Variants in ESRRG observed in about 807,000 individuals in gnomAD.
ESRRG encodes the protein estrogen related receptor gamma.
ESRRG carries 13 observed loss-of-function variants against 44.0 expected under a neutral mutation model. That is an observed-to-expected ratio of 0.30 (90% confidence interval 0.19 to 0.47). ESRRG has a LOEUF of 0.47. ESRRG is among the 20% of genes least tolerant of loss of function. The pLI is 1.00. For missense variants in ESRRG, 395 were observed against 580.6 expected, an observed-to-expected ratio of 0.68 and a Z score of 3.29; for synonymous variants, 215 against 214.6, an observed-to-expected ratio of 1.00 and a Z score of -0.02.
chr1:217,026,305 G>C (rs2081169667), intron 1 of ESRRG, among the ~76,000 whole-genome samples: 1 of 152,226 alleles, frequency 6.6e-6, no homozygotes. Flanking sequence ...GGAAAAGGAA[G>C]AGATGCCAAG....
intron 1 of ESRRG, among the ~76,000 whole-genome samples, chr1:216,718,843 A>G (rs937538248): frequency 3.9e-5 from 6 of 151,960 alleles, no homozygotes; most frequent in Non-Finnish European, 8.8e-5. Flanking sequence ...TATCTGCTGC[A>G]ATGACTCTAA....
chr1:216,613,568 T>C (rs548949624), intron 3 of ESRRG, among the ~76,000 whole-genome samples: 98 of 152,324 alleles, frequency 6.4e-4, no homozygotes, highest in African/African-American at 2.2e-3. Flanking sequence ...TAATAACTAC[T>C]GTGATATAAC....
rs17045277 is a variant in ESRRG, at chr1:217,114,445, C to T, written c.-230+23222G>A. 2.6e-3 allele frequency among the ~76,000 whole-genome samples: 389 copies of T among 152,184 alleles called. 1 individual carries two copies. Among genetic ancestry groups the T allele is most frequent in the African/African-American group, 9.0e-3 (373 of 41,506 alleles). ...CCCAGATCAAGGTGTCTAATTGCAGCTGTAGTCTAACTTCAGGATAAAACA... is the reference window on the plus strand; with the variant it reads ...CCCAGATCAAGGTGTCTAATTGCAGTTGTAGTCTAACTTCAGGATAAAACA... On this transcript the variant is annotated intron_variant, in intron 1 of 8. Transcript: ENST00000366940.
At chr1:216,508,783 G>T (rs958233645) in intron 6 of ESRRG, among the ~76,000 whole-genome samples, 1 of 152,140 alleles carries the variant, frequency 6.6e-6, no homozygotes. Context: ...GCACTTAAAT[G>T]CTACCTGAAG....
intron 1 of ESRRG, among the ~76,000 whole-genome samples, chr1:216,693,329 G>A (rs2079450999): frequency 1.3e-5 from 2 of 152,128 alleles, no homozygotes; most frequent in Non-Finnish European, 2.9e-5. Flanking sequence ...ATGGGGTCTT[G>A]CGATGTTGGC....
chr1:216,770,891 T>G (rs115094383), intron 2 of ESRRG, among the ~76,000 whole-genome samples: 2,895 of 152,246 alleles, frequency 0.019, 96 homozygotes, highest in African/African-American at 0.064. Flanking sequence ...CATTCACCCA[T>G]CCTTCCATTC....
chr1:217,105,257 T>C (rs1045110426), intron 1 of ESRRG, among the ~76,000 whole-genome samples: 1 of 152,218 alleles, frequency 6.6e-6, no homozygotes, highest in African/African-American at 2.4e-5. Context: ...CTAGGCATAA[T>C]CCTAATAATC....
At chr1:217,121,828 A>G (rs2092823882) in intron 1 of ESRRG, among the ~76,000 whole-genome samples, 1 of 152,164 alleles carries the variant, frequency 6.6e-6, no homozygotes, top group Admixed American at 6.5e-5. Flanking sequence ...TCATCTAATA[A>G]TGTTTCAGCC....
chr1:216,737,648 C>T (rs2090123345), intron 2 of ESRRG, among the ~76,000 whole-genome samples: 1 of 152,040 alleles, frequency 6.6e-6, no homozygotes, highest in African/African-American at 2.4e-5. Context: ...TATGTAAAAG[C>T]ATAAACTTTG....
intron 2 of ESRRG, among the ~76,000 whole-genome samples, chr1:216,667,343 TGG>T (rs1473854244): frequency 6.6e-6 from 1 of 152,160 alleles, no homozygotes; most frequent in Non-Finnish European, 1.5e-5. Flanking sequence ...CCATGAAATA[TGG>T]GCTTATGTAA....
upstream of ESRRG, among the ~76,000 whole-genome samples, chr1:216,725,810 C>A (rs1309674776): frequency 6.6e-6 from 1 of 152,090 alleles, no homozygotes; most frequent in Non-Finnish European, 1.5e-5. Context: ...AGAATGCATT[C>A]CGATTTTGCA....
At chr1:216,730,843 C>T (rs946895642) in intron 2 of ESRRG, among the ~76,000 whole-genome samples, 2 of 152,146 alleles carry the variant, frequency 1.3e-5, no homozygotes, top group Admixed American at 6.5e-5. Flanking sequence ...ACAAGGCCTG[C>T]TCCATGCTAT....
At chr1:216,826,154 C>A (rs1354789364) in intron 2 of ESRRG, among the ~76,000 whole-genome samples, 1 of 146,490 alleles carries the variant, frequency 6.8e-6, no homozygotes, top group African/African-American at 2.5e-5. Flanking sequence ...ATAAAGTGCT[C>A]AAGTCACTAT....
chr1:216,634,178 C>A (rs1846228), intron 3 of ESRRG, among the ~76,000 whole-genome samples: 69,096 of 151,924 alleles, frequency 0.45, 16,218 homozygotes, highest in East Asian at 0.53. Context: ...GTATCAGTGA[C>A]AGGGATAAGC....
intron 3 of ESRRG, among the ~76,000 whole-genome samples, chr1:216,600,743 T>C (rs929135608): frequency 1.3e-5 from 2 of 152,130 alleles, no homozygotes; most frequent in African/African-American, 4.8e-5. Context: ...GTGAAAAAAC[T>C]TTACAATTAG....
At chr1:216,994,278 A>T (rs1025413201) in intron 1 of ESRRG, among the ~76,000 whole-genome samples, 4 of 152,202 alleles carry the variant, frequency 2.6e-5, no homozygotes, top group African/African-American at 7.2e-5. Context: ...TGTTTGGCTT[A>T]CTTTTGTGGA....
intron 2 of ESRRG, among the ~76,000 whole-genome samples, chr1:216,803,987 C>G (rs1006268248): frequency 2.6e-5 from 4 of 151,438 alleles, no homozygotes; most frequent in East Asian, 3.9e-4. Flanking sequence ...TACCTCTCTC[C>G]CTCCATCTGC....
chr1:217,034,088 G>A (rs2082471506), intron 1 of ESRRG, among the ~76,000 whole-genome samples: 2 of 152,134 alleles, frequency 1.3e-5, no homozygotes, highest in African/African-American at 4.8e-5. Flanking sequence ...AGCCAGACAA[G>A]TTCTTTCATC....
chr1:216,634,179 A>G (rs925010135), intron 3 of ESRRG, among the ~76,000 whole-genome samples: 3 of 152,188 alleles, frequency 2.0e-5, no homozygotes, highest in Non-Finnish European at 4.4e-5. Flanking sequence ...TATCAGTGAC[A>G]GGGATAAGCT....
Sources: allele counts gnomAD v4.1 joint callset (sites outside exome capture counted in the v4.1 genomes callset), GRCh38; gene constraint gnomAD v4.1.1; transcripts MANE v1.5; gene names NCBI Gene and HGNC (gene_info 2026-07-23, HGNC 2026-07-21).